Variants in MLLT10 observed in about 807,000 individuals in gnomAD.
MLLT10 encodes MLLT10 histone lysine methyltransferase DOT1L cofactor, also known as protein AF-10.
MLLT10 carries 30 observed loss-of-function variants against 129.1 expected under a neutral mutation model. The ratio of observed to expected loss-of-function variants is 0.23; its 90% confidence interval spans 0.17 to 0.32. The LOEUF is 0.32. MLLT10 is among the 10% of genes least tolerant of loss of function. The probability of loss-of-function intolerance (pLI) is 1.00; values close to 1 mark genes in which losing one functional copy is unlikely to be tolerated. For synonymous variants in MLLT10, 490 were observed against 446.4 expected (o/e 1.10, Z -1.23); for missense variants, 1,119 against 1,268.3 (o/e 0.88, Z 1.79).
At position 21,634,133 on chromosome 10, in the gene MLLT10, G is replaced by A. The variant is rs1041840667; in HGVS notation, c.699+16926G>A. ...CTCGTGCCTGTAATCCCAGCTACTT[G>A]GGAGGTTCAGGCAGGAGAATCACTT... On this transcript the variant is annotated intron_variant, in intron 8 of 22. Transcript: ENST00000307729. 4.6e-4 allele frequency among the ~76,000 whole-genome samples: 70 copies of A among 152,200 alleles called. 1 individual carries two copies. Among genetic ancestry groups the A allele is most frequent in the African/African-American group, 1.6e-3 (65 of 41,530 alleles).
intron 13 of MLLT10, among the ~76,000 whole-genome samples, chr10:21,684,272 T>G (rs1385121490): frequency 6.6e-6 from 1 of 152,234 alleles, no homozygotes; most frequent in East Asian, 1.9e-4. Flanking sequence ...GACTCTCTTA[T>G]GTACTCACTT....
At chr10:21,701,530 A>T (rs1454893304) in intron 13 of MLLT10, among the ~76,000 whole-genome samples, 1 of 151,866 alleles carries the variant, frequency 6.6e-6, no homozygotes. Flanking sequence ...ATTTGAAGAA[A>T]TTTTTTTATA....
intron 3 of MLLT10, among the ~76,000 whole-genome samples, chr10:21,573,875 T>C (rs772855878): frequency 3.9e-5 from 6 of 152,206 alleles, no homozygotes; most frequent in Non-Finnish European, 7.3e-5. Flanking sequence ...ATTCTTCTTA[T>C]ATATTGTTGG....
At chr10:21,729,566 G>A (rs921304616) in intron 16 of MLLT10, among the ~76,000 whole-genome samples, 10 of 152,126 alleles carry the variant, frequency 6.6e-5, no homozygotes, top group African/African-American at 1.7e-4. Context: ...TTGCAGAGAC[G>A]CATATTAAGG....
intron 3 of MLLT10, among the ~76,000 whole-genome samples, chr10:21,550,939 T>G (rs1408543864): frequency 6.6e-6 from 1 of 151,734 alleles, no homozygotes; most frequent in Admixed American, 6.6e-5. Flanking sequence ...TTTTTTTTTT[T>G]TTTTGAAATG....
chr10:21,617,507 C>T lies in MLLT10; in HGVS notation c.699+300C>T, dbSNP rs533554291. On this transcript the variant is annotated intron_variant, in intron 8 of 22. Transcript: ENST00000307729. ...TTAGGTGACTTCAGCAATAATAGTT[C>T]GTTGCTATATATTATTAACTGATTT... Among the ~76,000 whole-genome samples, 10 of 152,128 alleles carry T rather than the reference C, an allele frequency of 6.6e-5. No homozygotes were observed. The South Asian group carries it at 1.2e-3, about 19-fold the overall frequency.
chr10:21,603,355 C>T (rs1356247982), intron 5 of MLLT10, among the ~76,000 whole-genome samples: 5 of 151,892 alleles, frequency 3.3e-5, no homozygotes, highest in Non-Finnish European at 7.4e-5. Context: ...ATGTGAGCCA[C>T]TGTGCTGGCC....
chr10:21,549,492 T>C (rs56789943), intron 3 of MLLT10, among the ~76,000 whole-genome samples: 4,224 of 152,238 alleles, frequency 0.028, 200 homozygotes, highest in African/African-American at 0.095. Context: ...ATGCTTTTTC[T>C]ATCTTCCTTC....
intron 10 of MLLT10, among the ~76,000 whole-genome samples, 186 bp from the exon 11 acceptor site, chr10:21,673,164 A>AG (rs1218947206): frequency 5.9e-5 from 9 of 152,134 alleles, no homozygotes; most frequent in African/African-American, 2.2e-4. Context: ...ATGTTTTTAA[A>AG]GGTAATTTTG....
intron 2 of MLLT10, among the ~76,000 whole-genome samples, chr10:21,537,550 C>T (rs1042318883): frequency 5.3e-5 from 8 of 151,822 alleles, no homozygotes; most frequent in African/African-American, 1.7e-4. Context: ...GTGAAACCTT[C>T]GCCACCCAAG....
chr10:21,693,601 ACTTAAGT>A (rs747409987), intron 13 of MLLT10, among the ~76,000 whole-genome samples: 3 of 152,152 alleles, frequency 2.0e-5, no homozygotes, highest in Non-Finnish European at 2.9e-5. Flanking sequence ...TCTATGTATG[ACTTAAGT>A]CTTCCTTGGA....
intron 9 of MLLT10, among the ~76,000 whole-genome samples, chr10:21,665,230 G>A (rs1290027039): frequency 1.4e-5 from 2 of 148,036 alleles, no homozygotes; most frequent in African/African-American, 5.0e-5. Context: ...ACAGGCGCGA[G>A]CCACTGCGCC....
At chr10:21,613,192 CAAAAAAAAAAAAAA>C (rs993493277) in intron 6 of MLLT10, among the ~76,000 whole-genome samples, 56 of 24,640 alleles carry the variant, frequency 2.3e-3, no homozygotes, top group African/African-American at 5.7e-3. Flanking sequence ...GACTCTGTCT[CAAAAAAAAAAAAAA>C]AAAAAAAAAA....
At chr10:21,589,853 T>C (rs769338721) in intron 4 of MLLT10, among the ~76,000 whole-genome samples, 1 of 152,290 alleles carries the variant, frequency 6.6e-6, no homozygotes, top group East Asian at 1.9e-4. Flanking sequence ...ATAAATTCGT[T>C]TTTTGGCAAA....
At chr10:21,639,713 T>C (rs2047802339) in intron 8 of MLLT10, among the ~76,000 whole-genome samples, 1 of 152,124 alleles carries the variant, frequency 6.6e-6, no homozygotes. Context: ...CAGGCCTGTA[T>C]GTTCACACGC....
intron 8 of MLLT10, among the ~76,000 whole-genome samples, chr10:21,629,423 C>CT (rs2046795185): frequency 6.6e-6 from 1 of 152,050 alleles, no homozygotes; most frequent in Non-Finnish European, 1.5e-5. Context: ...ATAGGTAAGC[C>CT]TGTTCAGTAC....
chr10:21,586,377 T>C (rs753831720), intron 4 of MLLT10, 29 bp downstream of exon 4: 12 of 1,511,214 alleles, frequency 7.9e-6, no homozygotes, highest in Non-Finnish European at 1.1e-5. Flanking sequence ...TGAAAAAAAT[T>C]TTATTGAAAA....
intron 13 of MLLT10, among the ~76,000 whole-genome samples, chr10:21,691,075 T>C (rs934889729): frequency 6.6e-6 from 1 of 152,222 alleles, no homozygotes; most frequent in Admixed American, 6.5e-5. Flanking sequence ...AAACAAATTA[T>C]AATTGGAAAG....
intron 16 of MLLT10, among the ~76,000 whole-genome samples, chr10:21,729,033 C>G (rs530353788): frequency 6.6e-6 from 1 of 151,584 alleles, no homozygotes; most frequent in Non-Finnish European, 1.5e-5. Context: ...TCTAGTGATG[C>G]CTTTTTTTCT....
Sources: allele counts gnomAD v4.1 joint callset (sites outside exome capture counted in the v4.1 genomes callset), GRCh38; gene constraint gnomAD v4.1.1; transcripts MANE v1.5; gene names NCBI Gene and HGNC (gene_info 2026-07-23, HGNC 2026-07-21).